EYA1: variants seen among roughly 807,000 people sequenced by gnomAD.
EYA1 encodes EYA transcriptional coactivator and phosphatase 1.
In EYA1, 16 loss-of-function variants were observed where a neutral mutation model predicts 82.0. The ratio of observed to expected loss-of-function variants is 0.20; its 90% CI spans 0.13 to 0.30. EYA1 has a LOEUF of 0.30. Ranked by LOEUF, EYA1 falls within the 10% of genes least tolerant of loss-of-function variation. EYA1 has a pLI of 1.00. For synonymous variants in EYA1, 261 were observed against 264.4 expected, an observed-to-expected ratio of 0.99 and a Z score of 0.12; for missense variants, 633 against 730.7, an observed-to-expected ratio of 0.87 and a Z score of 1.54.
intron 4 of EYA1, among the ~76,000 whole-genome samples, chr8:71,331,285 C>T (rs7826334): frequency 0.78 from 98,534 of 127,002 alleles, 39,190 homozygotes; most frequent in East Asian, 0.95. Flanking sequence ...CACACACACA[C>T]ATATATATAC....
intron 9 of EYA1, among the ~76,000 whole-genome samples, chr8:71,291,604 A>G (rs1332719720): frequency 6.6e-6 from 1 of 152,172 alleles, no homozygotes; most frequent in Non-Finnish European, 1.5e-5. Flanking sequence ...ATTTCACATT[A>G]ATCTAAAATG....
chr8:71,504,027 A>G (rs1812008590), intron 2 of EYA1, among the ~76,000 whole-genome samples: 2 of 152,322 alleles, frequency 1.3e-5, no homozygotes, highest in African/African-American at 4.8e-5. Context: ...AGGTGACATG[A>G]TCACTTCCTG....
chr8:71,465,886 A>G (rs530824127), intron 2 of EYA1, among the ~76,000 whole-genome samples: 1 of 152,164 alleles, frequency 6.6e-6, no homozygotes, highest in Non-Finnish European at 1.5e-5. Flanking sequence ...TCATCCATCT[A>G]TTCAAATTAT....
intron 2 of EYA1, among the ~76,000 whole-genome samples, chr8:71,403,202 C>T (rs1189991843): frequency 1.3e-5 from 2 of 152,166 alleles, no homozygotes; most frequent in African/African-American, 2.4e-5. Flanking sequence ...CAAATCTCCA[C>T]ACTTGATTAG....
At chr8:71,221,280 G>C (rs1254408027) in intron 12 of EYA1, among the ~76,000 whole-genome samples, 1 of 151,686 alleles carries the variant, frequency 6.6e-6, no homozygotes, top group Non-Finnish European at 1.5e-5. Flanking sequence ...GACTATCCAT[G>C]CTGGACCTCT....
intron 2 of EYA1, among the ~76,000 whole-genome samples, chr8:71,442,798 A>T (rs1047175356): frequency 1.3e-5 from 2 of 152,212 alleles, no homozygotes; most frequent in Admixed American, 1.3e-4. Flanking sequence ...CAGAGTTAAT[A>T]CACACAGTGG....
chr8:71,278,123 C>T (rs889250284), intron 9 of EYA1, among the ~76,000 whole-genome samples: 11 of 152,242 alleles, frequency 7.2e-5, no homozygotes, highest in Non-Finnish European at 1.0e-4. Context: ...ATCAAATTGA[C>T]GACAGCCTAG....
chr8:71,309,855 C>T (rs1037308892), intron 7 of EYA1, among the ~76,000 whole-genome samples: 2 of 152,148 alleles, frequency 1.3e-5, no homozygotes, highest in African/African-American at 4.8e-5. Flanking sequence ...ATTGTCTTTC[C>T]TTACTAGTTT....
intron 11 of EYA1, among the ~76,000 whole-genome samples, chr8:71,250,838 A>C (rs1003375390): frequency 1.3e-5 from 2 of 152,246 alleles, no homozygotes; most frequent in African/African-American, 4.8e-5. Context: ...TAAATGAATG[A>C]AAAGCAATAA....
rs567565635 is a variant in EYA1 at position 71,361,934 on chromosome 8, T to C, written c.-342A>G. The C allele has an allele frequency of 2.0e-6, 2 of 985,420 alleles. No individual in the cohort carries two copies. The highest frequency in any genetic ancestry group is 2.3e-4 in the East Asian group (2 of 8,786). The allele number at this position is 985,420 out of a possible 1,614,324, so 61.0% of individuals were successfully genotyped here. ...CACAGTGGACGGCAACAGGAAGGCT[T>C]AAAGTCGGAAGTGGCACTGGAGAGT... On this transcript the variant is annotated 5_prime_UTR_variant, in exon 1 of 18. Coordinates refer to ENST00000340726, the MANE Select transcript of EYA1 (RefSeq NM_000503.6).
At chr8:71,286,665 C>A (rs900407062) in intron 9 of EYA1, among the ~76,000 whole-genome samples, 1 of 152,070 alleles carries the variant, frequency 6.6e-6, no homozygotes, top group African/African-American at 2.4e-5. Flanking sequence ...ACGTAGAAGG[C>A]CACAGTCCTG....
At chr8:71,332,618 C>G (rs897024977) in intron 4 of EYA1, among the ~76,000 whole-genome samples, 1 of 152,344 alleles carries the variant, frequency 6.6e-6, no homozygotes, top group East Asian at 1.9e-4. Context: ...CTTCAGCTCA[C>G]CTGCCCCTAA....
intron 7 of EYA1, among the ~76,000 whole-genome samples, chr8:71,312,050 C>T (rs764500315): frequency 1.3e-5 from 2 of 152,090 alleles, no homozygotes; most frequent in African/African-American, 4.8e-5. Flanking sequence ...GCAAAATGGC[C>T]GTAAATTGCC....
At chr8:71,347,239 T>C (rs1825827373) in intron 3 of EYA1, among the ~76,000 whole-genome samples, 1 of 152,232 alleles carries the variant, frequency 6.6e-6, no homozygotes, top group African/African-American at 2.4e-5. Flanking sequence ...TGCAACACAG[T>C]AACACATTGT....
intron 2 of EYA1, among the ~76,000 whole-genome samples, chr8:71,493,692 C>G (rs1811185254): frequency 6.6e-6 from 1 of 151,218 alleles, no homozygotes; most frequent in Non-Finnish European, 1.5e-5. Context: ...ATATTTTTTC[C>G]AAGTGAAACT....
intron 1 of EYA1, among the ~76,000 whole-genome samples, chr8:71,546,364 C>G (rs1011420813): frequency 4.6e-5 from 7 of 152,118 alleles, no homozygotes; most frequent in Non-Finnish European, 7.4e-5. Context: ...AGGAGAGACC[C>G]AGGACATTGA....
In EYA1 at chr8:71,496,392, A is replaced by G. The variant is rs185843616; in HGVS notation, c.33+39352T>C. The stretch of plus-strand genomic sequence containing the variant: ...TTTGCACTTAATTCACTTAGATTAT[A>G]CCCTGATACTGAAAACAGATTGTAA... On this transcript the variant is annotated intron_variant, in intron 2 of 18. Transcript: ENST00000643681. Among the ~76,000 whole-genome samples the G allele has an allele frequency of 2.0e-5, 3 of 152,318 alleles. No homozygotes were observed. In the East Asian group the frequency reaches 5.8e-4, roughly 29 times the overall value.
At chr8:71,285,152 T>C (rs1055731434) in intron 9 of EYA1, among the ~76,000 whole-genome samples, 5 of 152,210 alleles carry the variant, frequency 3.3e-5, no homozygotes, top group South Asian at 2.1e-4. Flanking sequence ...TAGGAGAAAC[T>C]GCGTTTTCTA....
intron 9 of EYA1, among the ~76,000 whole-genome samples, chr8:71,289,011 G>T (rs564645470): frequency 6.6e-6 from 1 of 152,244 alleles, no homozygotes; most frequent in African/African-American, 2.4e-5. Flanking sequence ...CCTTTTCCTT[G>T]ATAGAATCGT....
Sources: allele counts gnomAD v4.1 joint callset (sites outside exome capture counted in the v4.1 genomes callset), GRCh38; gene constraint gnomAD v4.1.1; transcripts MANE v1.5; gene names NCBI Gene and HGNC (gene_info 2026-07-23, HGNC 2026-07-21).